Variants in IGF2BP3 observed in about 807,000 individuals in gnomAD.
IGF2BP3 encodes insulin like growth factor 2 mRNA binding protein 3.
In IGF2BP3, 9 loss-of-function variants were observed where a neutral mutation model predicts 73.8. That is an observed-to-expected ratio of 0.12 (90% CI 0.07 to 0.21). IGF2BP3 has a LOEUF of 0.21. Among genes scored for constraint, IGF2BP3 ranks in the 10% least tolerant of loss-of-function variants. The probability of loss-of-function intolerance (pLI) is 1.00; values close to 1 mark genes in which losing one functional copy is unlikely to be tolerated. For missense variants in IGF2BP3, 542 were observed against 714.0 expected, an observed-to-expected ratio of 0.76 and a Z score of 2.75; for synonymous variants, 258 against 256.7, an observed-to-expected ratio of 1.01 and a Z score of -0.05.
At chr7:23,404,862 T>C (rs1386925008) in intron 3 of IGF2BP3, among the ~76,000 whole-genome samples, 2 of 152,136 alleles carry the variant, frequency 1.3e-5, no homozygotes, top group Non-Finnish European at 2.9e-5. Context: ...TCACTCCCAA[T>C]TGGTTTACTG....
intron 2 of IGF2BP3, among the ~76,000 whole-genome samples, chr7:23,440,390 C>T (rs531620314): frequency 3.3e-5 from 5 of 152,234 alleles, no homozygotes; most frequent in South Asian, 4.1e-4. Context: ...GAGCCGAGAT[C>T]GTGCCACTGC....
At chr7:23,334,289 C>G (rs574805888) in intron 10 of IGF2BP3, among the ~76,000 whole-genome samples, 2 of 152,266 alleles carry the variant, frequency 1.3e-5, no homozygotes, top group East Asian at 3.9e-4. Flanking sequence ...GATCATGACA[C>G]TGCACTCCAG....
chr7:23,405,505 T>C (rs560801424), intron 3 of IGF2BP3, among the ~76,000 whole-genome samples: 1 of 152,230 alleles, frequency 6.6e-6, no homozygotes, highest in East Asian at 1.9e-4. Flanking sequence ...GGAGAAGCCT[T>C]GTAGTTTAGG....
intron 2 of IGF2BP3, among the ~76,000 whole-genome samples, chr7:23,427,566 A>G (rs1052326425): frequency 1.3e-5 from 2 of 152,148 alleles, no homozygotes; most frequent in Non-Finnish European, 2.9e-5. Flanking sequence ...CGTCTCTACA[A>G]AAAAATTAAA....
chr7:23,417,040 G>A (rs779907217), intron 3 of IGF2BP3, among the ~76,000 whole-genome samples: 5 of 152,114 alleles, frequency 3.3e-5, no homozygotes, highest in Non-Finnish European at 5.9e-5. Flanking sequence ...TGGGCAATGA[G>A]AGCGAAACTC....
chr7:23,372,493 G>A (rs990813991), intron 3 of IGF2BP3, among the ~76,000 whole-genome samples: 27 of 152,062 alleles, frequency 1.8e-4, no homozygotes, highest in Non-Finnish European at 1.2e-4. Context: ...CCTTTCCGCC[G>A]AGTACCCAAA....
intron 2 of IGF2BP3, among the ~76,000 whole-genome samples, chr7:23,438,836 A>G (rs1787864666): frequency 6.6e-6 from 1 of 151,890 alleles, no homozygotes; most frequent in Non-Finnish European, 1.5e-5. Flanking sequence ...GCAATAATGT[A>G]AAATCTACTT....
intron 12 of IGF2BP3, among the ~76,000 whole-genome samples, chr7:23,316,456 C>T (rs937907286): frequency 1.3e-4 from 20 of 151,834 alleles, no homozygotes; most frequent in African/African-American, 3.9e-4. Context: ...CTAAGGTGGG[C>T]GGATCACTTG....
rs77237856 is a variant in IGF2BP3 at position 23,407,181 on chromosome 7, T to TA, written c.285+11594dup. 7.7e-3 allele frequency among the ~76,000 whole-genome samples: 936 copies of TA among 121,122 alleles called. 6 individuals are homozygous for TA. The highest frequency in any genetic ancestry group is 0.015 in the African/African-American group (490 of 32,662). 79.5% of individuals were successfully genotyped at this position (121,122 alleles called of 152,430 possible). ...AACTTGTCCATGATGATGTAGTTAT[T>TA]AAAAAAAAAAAAAAAGAAAAAAAGA... is the stretch of plus-strand genomic sequence containing the variant. On this transcript the variant is annotated intron_variant, in intron 3 of 14. Coordinates refer to ENST00000258729, the MANE Select transcript of IGF2BP3 (RefSeq NM_006547.3).
At chr7:23,458,699 T>C (rs567152541) in intron 2 of IGF2BP3, among the ~76,000 whole-genome samples, 27 of 152,342 alleles carry the variant, frequency 1.8e-4, no homozygotes, top group African/African-American at 6.3e-4. Flanking sequence ...AAAAGTCTCA[T>C]TTTTCTGTCT....
intron 3 of IGF2BP3, among the ~76,000 whole-genome samples, chr7:23,389,309 C>T (rs552091377): frequency 2.6e-4 from 39 of 152,018 alleles, no homozygotes; most frequent in East Asian, 1.6e-3. Flanking sequence ...TACAGGCACA[C>T]GCCACTACAC....
chr7:23,403,661 A>G (rs140049442), intron 3 of IGF2BP3, among the ~76,000 whole-genome samples: 8 of 152,366 alleles, frequency 5.3e-5, no homozygotes, highest in African/African-American at 1.4e-4. Flanking sequence ...GCAGCTAAAA[A>G]AGGAGGTTCT....
At position 23,440,133 on chromosome 7, in the gene IGF2BP3, C is replaced by T. The variant is rs186196025; in HGVS notation, c.237-21309G>A. Among the ~76,000 whole-genome samples, 465 of 152,136 alleles carry T rather than the reference C, an allele frequency of 3.1e-3. 1 individual carries two copies. The highest frequency in any genetic ancestry group is 5.0e-3 in the Non-Finnish European group (341 of 67,968). On this transcript the variant is annotated intron_variant, in intron 2 of 14. Transcript: ENST00000258729. ...AAAAAATTAGCTGGGTGTGGTGGCA[C>T]GCGCCTGCAGTCCCAGCTACTCGGG...
chr7:23,363,596 T>C (rs1425496046), intron 3 of IGF2BP3, among the ~76,000 whole-genome samples: 1 of 152,242 alleles, frequency 6.6e-6, no homozygotes, highest in Non-Finnish European at 1.5e-5. Context: ...AAATGCCCTT[T>C]ATTTTTATTT....
At chr7:23,433,901 C>T (rs1787747604) in intron 2 of IGF2BP3, among the ~76,000 whole-genome samples, 1 of 151,944 alleles carries the variant, frequency 6.6e-6, no homozygotes, top group Non-Finnish European at 1.5e-5. Flanking sequence ...ATGGCGAAAG[C>T]CCATCTCTGC....
Position 23,351,589 on chromosome 7 carries a change from G to A in IGF2BP3, c.402-3C>T, listed in dbSNP as rs1160487441. 2 of 1,613,888 alleles carry A rather than the reference G, an allele frequency of 1.2e-6. No individual in the cohort carries two copies. Among genetic ancestry groups the A allele is most frequent in the Non-Finnish European group, 1.7e-6 (2 of 1,179,962 alleles). On this transcript the variant is annotated splice_region_variant and splice_polypyrimidine_tract_variant and intron_variant, in intron 5 of 14. Transcript: ENST00000258729. ...ATCCATTCAGTTTGTCTAGTGCTCT[G>A]AAAGTTGAAAAGGGGCAGGGGTGGG...
In IGF2BP3 at chr7:23,311,160, T is replaced by C. The variant is rs1324194561; in HGVS notation, c.*1202A>G. The C allele has an allele frequency of 1.3e-5, 2 of 152,062 alleles. No homozygotes were observed. The highest frequency in any genetic ancestry group is 6.6e-5 in the Admixed American group (1 of 15,248). 9.4% of individuals were successfully genotyped at this position (152,062 alleles called of 1,614,324 possible). A position where few individuals can be genotyped will look rare whatever the true frequency, so the allele number is the denominator to read the frequency against. On this transcript the variant is annotated 3_prime_UTR_variant, in exon 15 of 15. Coordinates refer to ENST00000258729, the MANE Select transcript of IGF2BP3 (RefSeq NM_006547.3). ...AGTGCTTAAAAATCTTCAAAATAGC[T>C]TAGTGAGGCTCATGACAGTGCTGGC... is the stretch of plus-strand genomic sequence containing the variant.
chr7:23,451,910 T>C (rs1025507759), intron 2 of IGF2BP3, among the ~76,000 whole-genome samples: 1 of 147,622 alleles, frequency 6.8e-6, no homozygotes, highest in African/African-American at 2.5e-5. Context: ...ATTACACCAC[T>C]GCACTCCAGC....
At chr7:23,329,164 G>A (rs1224514543) in intron 10 of IGF2BP3, among the ~76,000 whole-genome samples, 1 of 151,106 alleles carries the variant, frequency 6.6e-6, no homozygotes, top group Non-Finnish European at 1.5e-5. Flanking sequence ...AGTGAGCAGA[G>A]ATCACGCCAT....
Sources: allele counts gnomAD v4.1 joint callset (sites outside exome capture counted in the v4.1 genomes callset), GRCh38; gene constraint gnomAD v4.1.1; transcripts MANE v1.5; gene names NCBI Gene and HGNC (gene_info 2026-07-23, HGNC 2026-07-21).